Variants in GRIP1 observed in about 807,000 individuals in gnomAD.
GRIP1 encodes glutamate receptor-interacting protein 1.
In GRIP1, 45 loss-of-function variants were observed where a neutral mutation model predicts 129.9. The ratio of observed to expected loss-of-function variants is 0.35; its 90% CI spans 0.27 to 0.44. The LOEUF (loss-of-function observed/expected upper bound fraction) is 0.44, where lower values mean the gene tolerates loss of function less well. GRIP1 is among the 20% of genes least tolerant of loss of function. The probability of loss-of-function intolerance (pLI) is 1.00; values close to 1 mark genes in which losing one functional copy is unlikely to be tolerated. For missense variants in GRIP1, 1,196 were observed against 1,396.8 expected (o/e 0.86, Z 2.29); for synonymous variants, 530 against 520.8 (o/e 1.02, Z -0.24).
At chr12:66,912,087 TACA>T (rs2041039832) in intron 1 of GRIP1, among the ~76,000 whole-genome samples, 1 of 152,232 alleles carries the variant, frequency 6.6e-6, no homozygotes, top group Non-Finnish European at 1.5e-5. Flanking sequence ...TTGTAATGAT[TACA>T]ACTTTTAAAA....
chr12:66,974,396 T>G (rs1406488130), intron 1 of GRIP1, among the ~76,000 whole-genome samples: 1 of 152,176 alleles, frequency 6.6e-6, no homozygotes. Flanking sequence ...GTTAACTTAT[T>G]TATTGAGTAT....
At chr12:66,859,052 T>C (rs1206492677) in intron 1 of GRIP1, among the ~76,000 whole-genome samples, 4 of 151,872 alleles carry the variant, frequency 2.6e-5, no homozygotes, top group Admixed American at 2.6e-4. Flanking sequence ...TGTCCAGGTA[T>C]TTTTTCCTAA....
intron 1 of GRIP1, among the ~76,000 whole-genome samples, chr12:66,732,939 G>A (rs571459716): frequency 6.6e-6 from 1 of 152,274 alleles, no homozygotes; most frequent in Admixed American, 6.5e-5. Context: ...AGTCATTAAG[G>A]ATTGTGCTAG....
chr12:66,554,387 T>C (rs4362212), intron 2 of GRIP1, among the ~76,000 whole-genome samples: 79,578 of 152,048 alleles, frequency 0.52, 20,961 homozygotes, highest in African/African-American at 0.57. Flanking sequence ...TAGTCAGCAG[T>C]GGTAGCCAGG....
intron 1 of GRIP1, among the ~76,000 whole-genome samples, chr12:66,713,849 C>T (rs1211781355): frequency 6.6e-6 from 1 of 152,006 alleles, no homozygotes; most frequent in Non-Finnish European, 1.5e-5. Flanking sequence ...ATACCTAGCA[C>T]ATAGCCTGTA....
chr12:66,576,427 TAAG>T (rs1253539710), intron 2 of GRIP1, among the ~76,000 whole-genome samples: 1 of 152,238 alleles, frequency 6.6e-6, no homozygotes, highest in Non-Finnish European at 1.5e-5. Flanking sequence ...AATTCATTGC[TAAG>T]AAGAGTAGTA....
intron 1 of GRIP1, among the ~76,000 whole-genome samples, chr12:66,951,632 G>A (rs934958317): frequency 6.6e-6 from 1 of 152,192 alleles, no homozygotes; most frequent in African/African-American, 2.4e-5. Flanking sequence ...GTTAAGTGAG[G>A]ATGTGAAAAA....
At chr12:66,989,445 C>T (rs1467927280) in intron 1 of GRIP1, among the ~76,000 whole-genome samples, 2 of 152,136 alleles carry the variant, frequency 1.3e-5, no homozygotes, top group Non-Finnish European at 2.9e-5. Flanking sequence ...CTGTACAATT[C>T]TTCCCTAAGC....
intron 1 of GRIP1, among the ~76,000 whole-genome samples, chr12:66,976,616 A>G (rs1241505643): frequency 6.6e-6 from 1 of 152,042 alleles, no homozygotes; most frequent in Non-Finnish European, 1.5e-5. Flanking sequence ...AGTATTTTAA[A>G]TGAGTGATAT....
At chr12:66,459,842 T>C (rs899288037) in intron 9 of GRIP1, among the ~76,000 whole-genome samples, 4 of 152,256 alleles carry the variant, frequency 2.6e-5, no homozygotes, top group African/African-American at 9.6e-5. Flanking sequence ...GTGTACTTGA[T>C]AGGCAAGTAT....
intron 1 of GRIP1, among the ~76,000 whole-genome samples, chr12:66,676,480 T>C (rs1225699664): frequency 2.0e-5 from 3 of 152,172 alleles, no homozygotes; most frequent in East Asian, 1.9e-4. Context: ...AGAGGCCTAA[T>C]AAAGCTCTTG....
chr12:66,549,175 C>T, intron 2 of GRIP1, among the ~76,000 whole-genome samples: 1 of 152,228 alleles, frequency 6.6e-6, no homozygotes, highest in East Asian at 1.9e-4. Flanking sequence ...CTGGAACATT[C>T]ACAGGTCCTC....
intron 1 of GRIP1, among the ~76,000 whole-genome samples, chr12:66,766,981 C>T (rs2037660212): frequency 6.6e-6 from 1 of 152,054 alleles, no homozygotes; most frequent in Non-Finnish European, 1.5e-5. Flanking sequence ...ATTTTCTACC[C>T]ATAACAAATA....
At chr12:66,888,172 C>T (rs1199776108) in intron 1 of GRIP1, among the ~76,000 whole-genome samples, 1 of 152,110 alleles carries the variant, frequency 6.6e-6, no homozygotes, top group African/African-American at 2.4e-5. Flanking sequence ...CCTCCCACCT[C>T]AGCCTCCTGA....
In GRIP1 at chr12:66,938,055, C is replaced by A. The variant is rs75233277; in HGVS notation, c.58+130995G>T. Among the ~76,000 whole-genome samples the A allele has an allele frequency of 5.0e-3, 758 of 152,264 alleles. 7 individuals carry two copies. The highest frequency in any genetic ancestry group is 0.018 in the African/African-American group (733 of 41,552). On this transcript the variant is annotated intron_variant, in intron 1 of 1. Coordinates refer to the GRIP1 transcript ENST00000643019. ...GTATAAATAAAAGAATAAAACACAA[C>A]CTGTTAATTTTTATATTCGTTTCAT...
chr12:66,639,927 T>C (rs2031772859), intron 1 of GRIP1, among the ~76,000 whole-genome samples: 1 of 152,158 alleles, frequency 6.6e-6, no homozygotes, highest in Admixed American at 6.6e-5. Flanking sequence ...AACAACATCA[T>C]TCTCTATCCA....
chr12:66,830,292 G>C (rs926169759), intron 1 of GRIP1, among the ~76,000 whole-genome samples: 7 of 152,078 alleles, frequency 4.6e-5, no homozygotes, highest in African/African-American at 1.7e-4. Flanking sequence ...TTAAATCAAG[G>C]ATCTTGAGAA....
chr12:66,603,477 C>G (rs549907028), intron 1 of GRIP1, among the ~76,000 whole-genome samples: 6 of 152,336 alleles, frequency 3.9e-5, no homozygotes, highest in African/African-American at 1.4e-4. Context: ...ATCTCAGCCT[C>G]CACCCCAACC....
chr12:66,596,032 G>C (rs1331706822), intron 2 of GRIP1, among the ~76,000 whole-genome samples: 2 of 152,166 alleles, frequency 1.3e-5, no homozygotes, highest in African/African-American at 2.4e-5. Flanking sequence ...TCCTGTAGCT[G>C]AGGTTTAGCT....
Sources: allele counts gnomAD v4.1 joint callset (sites outside exome capture counted in the v4.1 genomes callset), GRCh38; gene constraint gnomAD v4.1.1; transcripts MANE v1.5; gene names NCBI Gene and HGNC (gene_info 2026-07-23, HGNC 2026-07-21).